The following TTLL5 variants were observed in gnomAD, a reference collection of about 807,000 sequenced individuals.
TTLL5 encodes the protein tubulin tyrosine ligase like 5.
A neutral mutation model predicts 168.4 loss-of-function variants in TTLL5; 132 were observed. The ratio of observed to expected loss-of-function variants is 0.78; its 90% CI spans 0.68 to 0.91. The LOEUF is 0.91. TTLL5 is among the 40% of genes least tolerant of loss of function. The pLI is 0.00. For synonymous variants in TTLL5, 546 were observed against 558.6 expected, an observed-to-expected ratio of 0.98 and a Z score of 0.32; for missense variants, 1,545 against 1,581.5, an observed-to-expected ratio of 0.98 and a Z score of 0.39.
intron 18 of TTLL5, among the ~76,000 whole-genome samples, chr14:75,755,182 TTGAACCTGGGAGGTGGAGGTTGCTC>T (rs1389118707): frequency 6.6e-6 from 1 of 152,004 alleles, no homozygotes; most frequent in Non-Finnish European, 1.5e-5. Flanking sequence ...GGAGAATCGC[TTGAACCTGGGAGGTGGAGGTTGCTC>T]TGAGCTAAGA....
intron 5 of TTLL5, among the ~76,000 whole-genome samples, chr14:75,689,261 GA>G (rs2140134875): frequency 6.6e-6 from 1 of 152,314 alleles, no homozygotes; most frequent in South Asian, 2.1e-4. Flanking sequence ...TGAGCCTGAT[GA>G]CTGCAGTGCT....
At chr14:75,683,736 C>A in intron 5 of TTLL5, 80 bp downstream of exon 5, 1 of 1,121,634 alleles carries the variant, frequency 8.9e-7, no homozygotes, top group Non-Finnish European at 1.3e-6. Flanking sequence ...TAATTAGTGT[C>A]CTTAAAGAAG....
chr14:75,688,769 GTGTTGAGTGATTA>G (rs1283921588), intron 5 of TTLL5, among the ~76,000 whole-genome samples: 4 of 152,186 alleles, frequency 2.6e-5, no homozygotes, highest in Admixed American at 6.6e-5. Flanking sequence ...GGTGTCTAAA[GTGTTGAGTGATTA>G]TGTTGAATTG....
intron 7 of TTLL5, among the ~76,000 whole-genome samples, chr14:75,704,942 C>G (rs1292510848): frequency 6.6e-6 from 1 of 152,140 alleles, no homozygotes; most frequent in East Asian, 1.9e-4. Flanking sequence ...GAATGATGAC[C>G]ACTATCAGCA....
intron 17 of TTLL5, among the ~76,000 whole-genome samples, chr14:75,747,296 T>C (rs1360678668): frequency 1.3e-5 from 2 of 152,124 alleles, no homozygotes; most frequent in Non-Finnish European, 2.9e-5. Context: ...TTTCATTATG[T>C]TCATGATTTC....
At chr14:75,884,717 A>G (rs79281500) in intron 30 of TTLL5, among the ~76,000 whole-genome samples, 1,961 of 152,302 alleles carry the variant, frequency 0.013, 40 homozygotes, top group African/African-American at 0.045. Context: ...ATACTAATAA[A>G]GACTTGAACA....
chr14:75,900,754 C>A (rs2032889202), intron 30 of TTLL5, among the ~76,000 whole-genome samples: 1 of 152,208 alleles, frequency 6.6e-6, no homozygotes, highest in African/African-American at 2.4e-5. Context: ...GCCTACCTCT[C>A]CTAACTTCAT....
intron 3 of TTLL5, among the ~76,000 whole-genome samples, chr14:75,673,617 T>C (rs1883912006): frequency 6.6e-6 from 1 of 152,242 alleles, no homozygotes; most frequent in Admixed American, 6.5e-5. Flanking sequence ...GAGAATATGA[T>C]ATTGTGAGGA....
chr14:75,930,530 CA>C (rs938552469), intron 31 of TTLL5: 44 of 887,102 alleles, frequency 5.0e-5, no homozygotes, highest in Non-Finnish European at 5.8e-5. Flanking sequence ...CTTCTAGTCA[CA>C]AGCATTTTGA....
intron 3 of TTLL5, among the ~76,000 whole-genome samples, chr14:75,680,140 A>G (rs1884489592): frequency 6.6e-6 from 1 of 152,240 alleles, no homozygotes; most frequent in African/African-American, 2.4e-5. Flanking sequence ...TAACTTTTTC[A>G]GTTAGTAGTG....
chr14:75,692,540 C>T (rs549112592), intron 6 of TTLL5, among the ~76,000 whole-genome samples: 1 of 152,146 alleles, frequency 6.6e-6, no homozygotes, highest in East Asian at 1.9e-4. Context: ...AACAGACTGG[C>T]CTTTAGAAAA....
chr14:75,893,179 G>A (rs1311784026), intron 30 of TTLL5, among the ~76,000 whole-genome samples: 2 of 152,096 alleles, frequency 1.3e-5, no homozygotes, highest in African/African-American at 4.8e-5. Flanking sequence ...TCTGATAGGA[G>A]TATCACAAAA....
chr14:75,776,589 TG>T, intron 22 of TTLL5, 157 bp from the exon 23 acceptor site: 1 of 481,380 alleles, frequency 2.1e-6, no homozygotes. Context: ...AAAAGTAATA[TG>T]TCAAATTTAT....
At chr14:75,734,101 G>A (rs374378243) in intron 14 of TTLL5, 51 bp downstream of exon 14, 27 of 1,582,650 alleles carry the variant, frequency 1.7e-5, no homozygotes, top group African/African-American at 8.1e-5. Flanking sequence ...TAACCGGAGC[G>A]TCCATTTTAT....
chr14:75,823,754 G>A (rs1214602752), intron 28 of TTLL5, among the ~76,000 whole-genome samples: 1 of 152,134 alleles, frequency 6.6e-6, no homozygotes, highest in East Asian at 1.9e-4. Context: ...GACATTGTGG[G>A]CATGGGCTGC....
Position 75,663,051 on chromosome 14 carries a change from G to A in TTLL5, c.-95-4G>A. 1.0e-6 allele frequency: 1 copy of A among 967,572 alleles called. No homozygotes were observed. Among genetic ancestry groups the A allele is most frequent in the Non-Finnish European group, 1.6e-6 (1 of 610,408 alleles). The allele number at this position is 967,572 out of a possible 1,614,324, so 59.9% of individuals were successfully genotyped here. ...ATTGATCCAATCAAGTTGATTTCTT[G>A]CAGGAATCTGTGCCATCCAAATTGC... is the stretch of plus-strand genomic sequence containing the variant. On this transcript the variant is annotated splice_region_variant and splice_polypyrimidine_tract_variant and intron_variant, in intron 1 of 31. Transcript: ENST00000298832.
intron 27 of TTLL5, among the ~76,000 whole-genome samples, chr14:75,812,097 A>G (rs957663737): frequency 3.3e-5 from 5 of 152,210 alleles, no homozygotes; most frequent in Non-Finnish European, 7.3e-5. Flanking sequence ...GATTGGCTCT[A>G]AAATAAACAG....
At position 75,731,335 on chromosome 14, in the gene TTLL5, TTATATA is replaced by T. The variant is rs1299311286; in HGVS notation, c.1043-996_1043-991del. 5.4e-5 allele frequency among the ~76,000 whole-genome samples: 8 copies of T among 149,442 alleles called. No individual in the cohort carries two copies. The East Asian group carries it at 1.6e-3, about 29-fold the overall frequency. On this transcript the variant is annotated intron_variant, in intron 12 of 31. Coordinates refer to ENST00000298832, the MANE Select transcript of TTLL5 (RefSeq NM_015072.5). Reference sequence around the variant, plus strand: ...GGATGGGATGTTTAGGAGTGATGTTTTATATATATATAGATATAGCTATAAATATAC... The same window carrying T: ...GGATGGGATGTTTAGGAGTGATGTTTTATATAGATATAGCTATAAATATAC...
At chr14:75,785,596 G>A (rs1210487077) in intron 26 of TTLL5, among the ~76,000 whole-genome samples, 1 of 152,178 alleles carries the variant, frequency 6.6e-6, no homozygotes, top group Non-Finnish European at 1.5e-5. Context: ...TGGATATTCA[G>A]TTAAATCAGC....
Sources: allele counts gnomAD v4.1 joint callset (sites outside exome capture counted in the v4.1 genomes callset), GRCh38; gene constraint gnomAD v4.1.1; transcripts MANE v1.5; gene names NCBI Gene and HGNC (gene_info 2026-07-23, HGNC 2026-07-21).